The following RPGRIP1L variants were observed in gnomAD, a reference collection of about 807,000 sequenced individuals.
RPGRIP1L encodes protein fantom.
In RPGRIP1L, 131 loss-of-function variants were observed where a neutral mutation model predicts 160.4. That is an observed-to-expected ratio of 0.82 (90% confidence interval 0.71 to 0.94). The LOEUF (loss-of-function observed/expected upper bound fraction) is 0.94. Ranked by LOEUF, RPGRIP1L falls within the 40% of genes least tolerant of loss-of-function variation. The pLI is 0.00. For synonymous variants in RPGRIP1L, 510 were observed against 515.8 expected (o/e 0.99, Z 0.15); for missense variants, 1,522 against 1,535.8 (o/e 0.99, Z 0.15).
intron 1 of RPGRIP1L, among the ~76,000 whole-genome samples, chr16:53,702,480 T>C (rs980911981): frequency 1.3e-5 from 2 of 152,196 alleles, no homozygotes; most frequent in African/African-American, 4.8e-5. Flanking sequence ...CACCATCTTA[T>C]GTTATCCTTC....
intron 24 of RPGRIP1L, among the ~76,000 whole-genome samples, chr16:53,615,241 C>T (rs1266403600): frequency 6.6e-6 from 1 of 152,004 alleles, no homozygotes; most frequent in Non-Finnish European, 1.5e-5. Flanking sequence ...CTTTTTCCTT[C>T]CACTGTCAAT....
At chr16:53,652,399 A>T in intron 15 of RPGRIP1L, 136 bp downstream of exon 15, 1 of 723,718 alleles carries the variant, frequency 1.4e-6, no homozygotes, top group Non-Finnish European at 2.4e-6. Context: ...TAGTCCAATT[A>T]ACTGTGGGTA....
chr16:53,675,110 C>T lies in RPGRIP1L; in HGVS notation c.789G>A (p.Arg263=), dbSNP rs1969050230. The change falls in exon 7 of 27, where the codon CGG becomes CGA. Residue 263 remains arginine (R), a synonymous_variant. Coordinates refer to ENST00000647211, the MANE Select transcript of RPGRIP1L (RefSeq NM_015272.5). ...GAAGCTTAATCATTTCTACATTGTC[C>T]CGAATATTTGACCTTCAGAGTTGTG... ...QQATDQRSNI[R]DNVEMIKLHK... is the part of the protein sequence containing the mutation. 1 of 1,609,226 alleles carries T rather than the reference C, an allele frequency of 6.2e-7. No individual in the cohort carries two copies. Among genetic ancestry groups the T allele is most frequent in the Non-Finnish European group, 8.5e-7 (1 of 1,177,172 alleles).
At chr16:53,634,971 C>T (rs998963378) in intron 22 of RPGRIP1L, among the ~76,000 whole-genome samples, 1 of 152,138 alleles carries the variant, frequency 6.6e-6, no homozygotes, top group Non-Finnish European at 1.5e-5. Context: ...ATGATGTTCA[C>T]ATTTGAGATA....
chr16:53,629,585 A>G (rs1007461116), intron 22 of RPGRIP1L, among the ~76,000 whole-genome samples: 5 of 152,236 alleles, frequency 3.3e-5, no homozygotes, highest in African/African-American at 1.2e-4. Flanking sequence ...TTCTTTTGCT[A>G]TTATTCAACA....
At chr16:53,642,732 T>TC (rs972610226) in intron 17 of RPGRIP1L, among the ~76,000 whole-genome samples, 1 of 152,122 alleles carries the variant, frequency 6.6e-6, no homozygotes, top group African/African-American at 2.4e-5. Flanking sequence ...TTACCCTTTC[T>TC]CCCCCACTCC....
chr16:53,603,315 T>C (rs1963481012), intron 26 of RPGRIP1L, among the ~76,000 whole-genome samples: 1 of 152,216 alleles, frequency 6.6e-6, no homozygotes, highest in Admixed American at 6.5e-5. Context: ...TTATCACTTA[T>C]GAGTCTTCAT....
chr16:53,649,021 C>T lies in RPGRIP1L; in HGVS notation c.2247G>A (p.Arg749=), dbSNP rs1966774549. The T allele has an allele frequency of 1.2e-6, 2 of 1,613,858 alleles. No homozygotes were observed. The highest frequency in any genetic ancestry group is 4.5e-5 in the East Asian group (2 of 44,880). The change falls in exon 16 of 27, where the codon AGG becomes AGA. Residue 749 remains arginine (R), a synonymous_variant. Coordinates refer to ENST00000647211, the MANE Select transcript of RPGRIP1L (RefSeq NM_015272.5). The part of the protein sequence containing the change: ...MDQAIRLYRE[R]AKALGYITSN... ...ATGTTATATACCCCAAAGCCTTTGC[C>T]CTTTCTCGATAAAGTCGAATTGCTT...
rs149027553 is a variant in RPGRIP1L at position 53,631,367 on chromosome 16, A to G, written c.3294+5072T>C. 3.0e-4 allele frequency among the ~76,000 whole-genome samples: 46 copies of G among 152,324 alleles called. 2 individuals are homozygous for G. The East Asian group carries it at 7.7e-3, about 26-fold the overall frequency. ...CTAGGAGTAGGAACAGAGAAAGAGAATGATGTAAATATGCACTGCACAGAA... is the reference window on the plus strand; with the variant it reads ...CTAGGAGTAGGAACAGAGAAAGAGAGTGATGTAAATATGCACTGCACAGAA... On this transcript the variant is annotated intron_variant, in intron 22 of 26. Transcript: ENST00000647211.
At chr16:53,666,592 G>GTATATA (rs71380041) in intron 9 of RPGRIP1L, among the ~76,000 whole-genome samples, 45 of 147,448 alleles carry the variant, frequency 3.1e-4, no homozygotes, top group Admixed American at 6.2e-4. Flanking sequence ...GTGTGTGTGT[G>GTATATA]TATATATATA....
intron 22 of RPGRIP1L, chr16:53,635,716 C>A (rs140309873): frequency 2.0e-5 from 3 of 152,066 alleles, no homozygotes; most frequent in Non-Finnish European, 2.9e-5. Flanking sequence ...ACTAAAAATT[C>A]TACAAAAGTA....
chr16:53,693,324 T>C (rs1970512943), intron 3 of RPGRIP1L: 1 of 152,250 alleles, frequency 6.6e-6, no homozygotes, highest in Non-Finnish European at 1.5e-5. Flanking sequence ...TTTCTTTAAA[T>C]GGGTTTTGCT....
In RPGRIP1L at chr16:53,658,886, A is replaced by C; in HGVS notation, c.1244-8T>G. 6.6e-7 allele frequency: 1 copy of C among 1,526,330 alleles called. No individual in the cohort carries two copies. The highest frequency in any genetic ancestry group is 9.0e-7 in the Non-Finnish European group (1 of 1,106,766). 94.5% of individuals were successfully genotyped at this position (1,526,330 alleles called of 1,614,324 possible). ...CGAGTTTTTCATTTTGATCTTAAAA[A>C]TAAAGTCCACACAATTGGAAAGGTA... On this transcript the variant is annotated splice_polypyrimidine_tract_variant and splice_region_variant and intron_variant, in intron 10 of 26. Transcript: ENST00000647211.
At chr16:53,650,510 G>C (rs1346897355) in intron 15 of RPGRIP1L, among the ~76,000 whole-genome samples, 4 of 152,164 alleles carry the variant, frequency 2.6e-5, no homozygotes, top group Admixed American at 2.6e-4. Flanking sequence ...CACTGCTTGA[G>C]TCCAGGAGCT....
intron 6 of RPGRIP1L, among the ~76,000 whole-genome samples, chr16:53,685,804 C>T (rs1969964727): frequency 6.6e-6 from 1 of 152,146 alleles, no homozygotes; most frequent in East Asian, 1.9e-4. Context: ...CAGCAAACCA[C>T]CATGGTACAC....
intron 1 of RPGRIP1L, chr16:53,703,296 AT>A (rs1355922722): frequency 6.6e-6 from 1 of 152,210 alleles, no homozygotes; most frequent in Admixed American, 6.5e-5. Flanking sequence ...TAAAGAAAAA[AT>A]ATTTATTGAA....
intron 4 of RPGRIP1L, 64 bp downstream of exon 4, chr16:53,692,002 G>GT (rs1298780771): frequency 1.4e-4 from 206 of 1,491,190 alleles, no homozygotes; most frequent in South Asian, 1.8e-4. Flanking sequence ...AAAACTTTGT[G>GT]TTTTTTTTGT....
At chr16:53,699,147 A>C (rs1314040512) in intron 2 of RPGRIP1L, among the ~76,000 whole-genome samples, 1 of 152,082 alleles carries the variant, frequency 6.6e-6, no homozygotes, top group African/African-American at 2.4e-5. Flanking sequence ...AAATGGATTA[A>C]GGGCAGTGCA....
chr16:53,638,660 CTG>C (rs1598293931), intron 19 of RPGRIP1L, among the ~76,000 whole-genome samples: 1 of 150,836 alleles, frequency 6.6e-6, no homozygotes. Flanking sequence ...CAAAAAAAAA[CTG>C]AGAGCAATGC....
Sources: allele counts gnomAD v4.1 joint callset (sites outside exome capture counted in the v4.1 genomes callset), GRCh38; gene constraint gnomAD v4.1.1; transcripts MANE v1.5; gene names NCBI Gene and HGNC (gene_info 2026-07-23, HGNC 2026-07-21).